The following ROBO1 variants were observed in gnomAD, a reference collection of about 807,000 sequenced individuals.
ROBO1 encodes roundabout homolog 1.
ROBO1 carries 149 observed loss-of-function variants against 195.9 expected under a neutral mutation model. That is an observed-to-expected ratio of 0.76 (90% CI 0.67 to 0.87). ROBO1 has a LOEUF of 0.87. Among genes scored for constraint, ROBO1 ranks in the 40% least tolerant of loss-of-function variants. ROBO1 has a pLI of 0.00. For synonymous variants in ROBO1, 816 were observed against 733.2 expected (o/e 1.11, Z -1.82); for missense variants, 1,933 against 2,068.3 (o/e 0.93, Z 1.27).
chr3:79,189,220 T>C (rs1317322807), intron 2 of ROBO1, among the ~76,000 whole-genome samples: 2 of 151,794 alleles, frequency 1.3e-5, no homozygotes, highest in African/African-American at 4.8e-5. Flanking sequence ...AGGAATACAG[T>C]TGCACAGAGA....
chr3:79,317,897 C>A (rs1447295707), intron 2 of ROBO1, among the ~76,000 whole-genome samples: 1 of 151,998 alleles, frequency 6.6e-6, no homozygotes, highest in Non-Finnish European at 1.5e-5. Flanking sequence ...TATATATATA[C>A]ACACACGCAT....
At chr3:79,517,723 G>T (rs1012416973) in intron 2 of ROBO1, among the ~76,000 whole-genome samples, 1 of 152,150 alleles carries the variant, frequency 6.6e-6, no homozygotes, top group Non-Finnish European at 1.5e-5. Flanking sequence ...ATGGCCCAAG[G>T]TAGCTAATTA....
chr3:79,550,695 A>G (rs1942478708), intron 2 of ROBO1, among the ~76,000 whole-genome samples: 1 of 152,214 alleles, frequency 6.6e-6, no homozygotes. Flanking sequence ...AAATAATTCA[A>G]TCACTTTAAA....
chr3:78,900,018 C>G (rs571562583), intron 4 of ROBO1, among the ~76,000 whole-genome samples: 1 of 152,120 alleles, frequency 6.6e-6, no homozygotes, highest in Non-Finnish European at 1.5e-5. Flanking sequence ...GTCAGAAAAG[C>G]CTTTGGGGCT....
At chr3:78,670,037 G>T (rs1428524896) in intron 11 of ROBO1, 59 bp downstream of exon 11, 3 of 1,362,234 alleles carry the variant, frequency 2.2e-6, no homozygotes, top group Non-Finnish European at 3.0e-6. Context: ...AATGCCAGTT[G>T]TTGGAGGCAG....
intron 1 of ROBO1, among the ~76,000 whole-genome samples, chr3:79,700,976 T>C (rs2107158466): frequency 6.6e-6 from 1 of 151,972 alleles, no homozygotes; most frequent in South Asian, 2.1e-4. Flanking sequence ...TTTAAATATT[T>C]AATACATCTT....
chr3:79,547,103 T>G (rs891174822), intron 2 of ROBO1, among the ~76,000 whole-genome samples: 10 of 135,728 alleles, frequency 7.4e-5, no homozygotes, highest in Admixed American at 6.2e-4. Flanking sequence ...GAGAATGGCG[T>G]GAACCCGGGA....
At chr3:79,659,589 T>C (rs1576190982) in intron 1 of ROBO1, among the ~76,000 whole-genome samples, 1 of 149,662 alleles carries the variant, frequency 6.7e-6, no homozygotes, top group East Asian at 2.0e-4. Context: ...TTACGATGTA[T>C]GAACAATGGA....
intron 2 of ROBO1, among the ~76,000 whole-genome samples, chr3:79,502,754 G>A (rs1244095329): frequency 6.7e-6 from 1 of 150,028 alleles, no homozygotes; most frequent in African/African-American, 2.4e-5. Flanking sequence ...TCAGCACCCT[G>A]CATCTAGCTC....
intron 2 of ROBO1, among the ~76,000 whole-genome samples, chr3:79,582,495 T>C: frequency 6.6e-6 from 1 of 151,970 alleles, no homozygotes; most frequent in Admixed American, 6.6e-5. Flanking sequence ...GACACCAAGA[T>C]TGACTATCTC....
intron 4 of ROBO1, among the ~76,000 whole-genome samples, chr3:78,883,629 A>T (rs2036317215): frequency 6.6e-6 from 1 of 152,144 alleles, no homozygotes; most frequent in Admixed American, 6.6e-5. Flanking sequence ...CAAAGTGCTG[A>T]GATTATAGGC....
At chr3:79,569,337 G>A (rs1372521537) in intron 2 of ROBO1, among the ~76,000 whole-genome samples, 3 of 152,186 alleles carry the variant, frequency 2.0e-5, no homozygotes, top group African/African-American at 4.8e-5. Context: ...TTTTATGTCT[G>A]TGCTGATAAA....
At chr3:79,225,348 G>A (rs1187386477) in intron 2 of ROBO1, among the ~76,000 whole-genome samples, 1 of 151,952 alleles carries the variant, frequency 6.6e-6, no homozygotes, top group Admixed American at 6.6e-5. Context: ...CTAAAAGGAT[G>A]GAAAATACCA....
In ROBO1 at chr3:79,756,322, C is replaced by T. The variant is rs939405806; in HGVS notation, c.-51+11430G>A. On this transcript the variant is annotated intron_variant, in intron 1 of 30. Coordinates refer to ENST00000464233, the MANE Select transcript of ROBO1 (RefSeq NM_002941.4). ...ATCCCAGCACTTTGGGAGGCCAAGG[C>T]GGGCGGTTCACGAGGTTAGGAGTTC... Among the ~76,000 whole-genome samples the T allele has an allele frequency of 5.9e-5, 9 of 152,020 alleles. No homozygotes were observed. In the East Asian group the frequency reaches 9.7e-4, roughly 16 times the overall value.
chr3:78,948,159 C>A (rs952769511), intron 3 of ROBO1, among the ~76,000 whole-genome samples: 6 of 152,122 alleles, frequency 3.9e-5, no homozygotes, highest in Non-Finnish European at 1.5e-5. Flanking sequence ...GGGAATCCTC[C>A]CTAACTCATT....
intron 4 of ROBO1, among the ~76,000 whole-genome samples, chr3:78,754,425 A>C (rs1259046528): frequency 6.6e-6 from 1 of 152,208 alleles, no homozygotes; most frequent in African/African-American, 2.4e-5. Context: ...TTTCTTTTGT[A>C]AAATCCAACT....
At chr3:79,762,216 C>T (rs1292620456) in intron 1 of ROBO1, among the ~76,000 whole-genome samples, 1 of 152,016 alleles carries the variant, frequency 6.6e-6, no homozygotes, top group African/African-American at 2.4e-5. Context: ...CCACTTTCTG[C>T]TTCATAGACA....
At chr3:78,945,104 C>CA (rs1413756760) in intron 3 of ROBO1, among the ~76,000 whole-genome samples, 1 of 152,182 alleles carries the variant, frequency 6.6e-6, no homozygotes, top group Non-Finnish European at 1.5e-5. Context: ...AGGGCATGGA[C>CA]AAACAAAAAG....
At chr3:79,237,651 C>T (rs11924816) in intron 2 of ROBO1, among the ~76,000 whole-genome samples, 21,957 of 151,858 alleles carry the variant, frequency 0.14, 2,548 homozygotes, top group African/African-American at 0.32. Context: ...ATTTCTCCGG[C>T]GGTCACTCTA....
Sources: gnomAD v4.1 joint callset for allele counts (sites outside exome capture counted in the v4.1 genomes callset) on GRCh38, gnomAD v4.1.1 for gene constraint, MANE v1.5 for transcripts, NCBI Gene and HGNC (gene_info 2026-07-23, HGNC 2026-07-21) for gene names.